FSTL5: variants seen among roughly 807,000 people sequenced by gnomAD.
The protein encoded by FSTL5 is follistatin like 5, also known as follistatin-related protein 5.
In FSTL5, 62 loss-of-function variants were observed where a neutral mutation model predicts 89.1. That is an observed-to-expected ratio of 0.70 (90% CI 0.57 to 0.86). The LOEUF is 0.86. Ranked by LOEUF, FSTL5 falls within the 40% of genes least tolerant of loss-of-function variation. The probability of loss-of-function intolerance (pLI) is 0.00; values close to 1 mark genes in which losing one functional copy is unlikely to be tolerated. For synonymous variants in FSTL5, 383 were observed against 346.2 expected (o/e 1.11, Z -1.18); for missense variants, 1,057 against 1,001.6 (o/e 1.06, Z -0.75).
intron 7 of FSTL5, among the ~76,000 whole-genome samples, chr4:161,601,914 T>C (rs1379716332): frequency 6.6e-6 from 1 of 152,016 alleles, no homozygotes; most frequent in African/African-American, 2.4e-5. Flanking sequence ...ACATTTCAAC[T>C]AAAAATTATG....
chr4:161,552,639 C>A (rs1039305983), intron 8 of FSTL5: 1 of 151,528 alleles, frequency 6.6e-6, no homozygotes, highest in African/African-American at 2.4e-5. Context: ...AATTTTAATT[C>A]TCATATAGAT....
chr4:161,668,398 A>T (rs1158148086), intron 6 of FSTL5, among the ~76,000 whole-genome samples: 2 of 152,168 alleles, frequency 1.3e-5, no homozygotes, highest in Non-Finnish European at 2.9e-5. Flanking sequence ...AACAGAAACT[A>T]TCAGGCCCAG....
chr4:161,749,299 C>G (rs1740313644), intron 6 of FSTL5, among the ~76,000 whole-genome samples: 1 of 152,034 alleles, frequency 6.6e-6, no homozygotes, highest in Admixed American at 6.5e-5. Flanking sequence ...CAATGGTTGA[C>G]TGGATTTAAA....
chr4:161,527,585 C>T (rs1731269199), intron 10 of FSTL5, among the ~76,000 whole-genome samples: 1 of 152,030 alleles, frequency 6.6e-6, no homozygotes, highest in Non-Finnish European at 1.5e-5. Context: ...CAAATCAAAA[C>T]CACAATGAGA....
At chr4:161,979,253 A>G (rs1735748798) in intron 3 of FSTL5, among the ~76,000 whole-genome samples, 1 of 152,182 alleles carries the variant, frequency 6.6e-6, no homozygotes, top group Non-Finnish European at 1.5e-5. Context: ...CACTGGTTCA[A>G]GAAGAATCAG....
chr4:161,681,425 T>C (rs533836549), intron 6 of FSTL5, among the ~76,000 whole-genome samples: 17 of 152,230 alleles, frequency 1.1e-4, no homozygotes, highest in African/African-American at 4.1e-4. Context: ...CAAATATGTT[T>C]GTGGTTATTT....
At chr4:161,584,107 T>C (rs4273426) in intron 8 of FSTL5, among the ~76,000 whole-genome samples, 116,640 of 152,136 alleles carry the variant, frequency 0.77, 45,192 homozygotes, top group East Asian at 0.93. Flanking sequence ...ACTCCAAGCT[T>C]TCCCCAACAC....
chr4:161,979,402 A>G (rs903165047), intron 3 of FSTL5, among the ~76,000 whole-genome samples: 8 of 152,154 alleles, frequency 5.3e-5, no homozygotes, highest in African/African-American at 1.9e-4. Flanking sequence ...GGAATATAAA[A>G]TATACTGACA....
At position 161,804,933 on chromosome 4, in the gene FSTL5, T is replaced by G. The variant is rs17041577; in HGVS notation, c.410-28859A>C. Among the ~76,000 whole-genome samples the G allele has an allele frequency of 6.6e-3, 1,000 of 152,210 alleles. 6 individuals carry two copies. The highest frequency in any genetic ancestry group is 0.023 in the African/African-American group (938 of 41,562). Reference sequence around the variant, plus strand: ...TTCAGTTAACTACCCCTGTAAGAATTATCTGTTGCCAAAGACAGATAGGTC... The same window carrying G: ...TTCAGTTAACTACCCCTGTAAGAATGATCTGTTGCCAAAGACAGATAGGTC... On this transcript the variant is annotated intron_variant, in intron 4 of 15. Transcript: ENST00000306100.
intron 7 of FSTL5, among the ~76,000 whole-genome samples, chr4:161,598,231 TG>T (rs990278938): frequency 6.6e-6 from 1 of 151,878 alleles, no homozygotes; most frequent in African/African-American, 2.4e-5. Context: ...AAAAATTAGC[TG>T]GGTGTGGTGG....
chr4:161,619,559 A>G (rs1248039609), intron 7 of FSTL5, among the ~76,000 whole-genome samples: 1 of 152,252 alleles, frequency 6.6e-6, no homozygotes, highest in Admixed American at 6.5e-5. Context: ...TCAAAAGAAG[A>G]TATTTATGCA....
At chr4:162,074,381 T>C (rs1729748359) in intron 2 of FSTL5, among the ~76,000 whole-genome samples, 1 of 151,764 alleles carries the variant, frequency 6.6e-6, no homozygotes, top group Admixed American at 6.6e-5. Context: ...CCTAAATTTT[T>C]TGGTTTTAAA....
At position 161,437,565 on chromosome 4, in the gene FSTL5, C is replaced by CAAAAAAAAAAAAAAAAAAAAA. The variant is rs56229701; in HGVS notation, c.1841+17438_1841+17439insTTTTTTTTTTTTTTTTTTTTT. On this transcript the variant is annotated intron_variant, in intron 15 of 15. Transcript: ENST00000306100. ...CTGGTGACAGAGTGAGACTCCGTCT[C>CAAAAAAAAAAAAAAAAAAAAA]AAAAAAAAAAAAAAAAACGAGGTCA... is the stretch of plus-strand genomic sequence containing the variant. Among the ~76,000 whole-genome samples, 53 of 68,496 alleles carry CAAAAAAAAAAAAAAAAAAAAA rather than the reference C, an allele frequency of 7.7e-4. 3 individuals carry two copies. The highest frequency in any genetic ancestry group is 1.7e-3 in the African/African-American group (21 of 12,010). The allele number at this position is 68,496 out of a possible 152,430, so 44.9% of individuals were successfully genotyped here. A position where few individuals can be genotyped will look rare whatever the true frequency, so the allele number is the denominator to read the frequency against.
In FSTL5 at chr4:161,418,846, T is replaced by C. The variant is rs530793537; in HGVS notation, c.1842-32397A>G. Among the ~76,000 whole-genome samples the C allele has an allele frequency of 4.6e-5, 7 of 152,312 alleles. 1 individual carries two copies. In the South Asian group the frequency reaches 8.3e-4, roughly 18 times the overall value. On this transcript the variant is annotated intron_variant, in intron 15 of 15. Transcript: ENST00000306100. ...AATGTTGGGAACAAAATAGGCAACA[T>C]AGTCTGTAATATCAAATACAAGCTG... is the stretch of plus-strand genomic sequence containing the variant.
chr4:161,473,017 CT>C (rs1332219041), intron 13 of FSTL5, among the ~76,000 whole-genome samples: 1 of 152,202 alleles, frequency 6.6e-6, no homozygotes, highest in Non-Finnish European at 1.5e-5. Flanking sequence ...GCCACCGTGC[CT>C]GGCTGTGTCT....
chr4:161,496,069 C>T (rs138220515), intron 12 of FSTL5, among the ~76,000 whole-genome samples: 1 of 152,032 alleles, frequency 6.6e-6, no homozygotes, highest in African/African-American at 2.4e-5. Flanking sequence ...ATGGCAATTG[C>T]AAATTAAGGA....
At chr4:161,898,872 G>A (rs562058239) in intron 4 of FSTL5, among the ~76,000 whole-genome samples, 166 of 151,888 alleles carry the variant, frequency 1.1e-3, no homozygotes, top group African/African-American at 3.9e-3. Context: ...CTAATGATCC[G>A]CCCGCCTCAG....
At chr4:161,453,806 C>T (rs779463672) in intron 15 of FSTL5, among the ~76,000 whole-genome samples, 4 of 152,026 alleles carry the variant, frequency 2.6e-5, no homozygotes, top group Non-Finnish European at 5.9e-5. Context: ...GTTGCCCAGG[C>T]TGGTTTCGAA....
Position 161,920,536 on chromosome 4 carries a change from A to T in FSTL5, c.277T>A (p.Cys93Ser). 1 of 1,614,072 alleles carries T rather than the reference A, an allele frequency of 6.2e-7. No individual in the cohort carries two copies. Among genetic ancestry groups the T allele is most frequent in the Non-Finnish European group, 8.5e-7 (1 of 1,179,994 alleles). Residue 93 changes from cysteine to serine, a missense_variant, in exon 4 of 16, where the codon TGC (cysteine) becomes AGC (serine). Physicochemically the swap from Cys to Ser is moderately radical, Grantham distance 112 (BLOSUM62 -1). Transcript: ENST00000306100. Reference sequence around the variant, plus strand: ...CACACAGGTTTGTAGTGACGTTTGCAAAGGTCCATACAGGCACATTCTGCT... The same window carrying T: ...CACACAGGTTTGTAGTGACGTTTGCTAAGGTCCATACAGGCACATTCTGCT... ...GQAECACMDL[C>S]KRHYKPVCGS...
Sources: allele counts gnomAD v4.1 joint callset (sites outside exome capture counted in the v4.1 genomes callset), GRCh38; gene constraint gnomAD v4.1.1; transcripts MANE v1.5; gene names NCBI Gene and HGNC (gene_info 2026-07-23, HGNC 2026-07-21).